Variants in RPH3A observed in about 807,000 individuals in gnomAD.
RPH3A encodes the protein rabphilin-3A.
Under a neutral mutation model 102.2 loss-of-function variants are expected in RPH3A, and 48 were observed. The observed-to-expected ratio is 0.47, with a 90% CI of 0.37 to 0.60. The LOEUF is 0.60. RPH3A is among the 20% of genes least tolerant of loss of function. The pLI, the probability that RPH3A is intolerant of heterozygous loss-of-function variation, is 0.00. For missense variants in RPH3A, 781 were observed against 910.1 expected (o/e 0.86, Z 1.83); for synonymous variants, 310 against 324.3 (o/e 0.96, Z 0.47).
At chr12:112,634,649 G>A (rs1486613822) in intron 1 of RPH3A, among the ~76,000 whole-genome samples, 1 of 152,122 alleles carries the variant, frequency 6.6e-6, no homozygotes, top group Non-Finnish European at 1.5e-5. Context: ...CTTAAATGCA[G>A]GATGTTGTCC....
At chr12:112,599,300 A>G (rs1032101720) in intron 1 of RPH3A, among the ~76,000 whole-genome samples, 20 of 152,166 alleles carry the variant, frequency 1.3e-4, no homozygotes, top group African/African-American at 4.6e-4. Context: ...GCATCCTAGA[A>G]AGAAGTTGTA....
chr12:112,706,777 A>G (rs1056425503), intron 1 of RPH3A, among the ~76,000 whole-genome samples: 10 of 152,208 alleles, frequency 6.6e-5, no homozygotes, highest in African/African-American at 2.4e-4. Context: ...AATTTTATAT[A>G]GAGAGATAGG....
chr12:112,869,463 C>T, intron 8 of RPH3A: 1 of 351,760 alleles, frequency 2.8e-6, no homozygotes, highest in East Asian at 5.3e-5. Context: ...CTGAGGAGTC[C>T]CCAGTTTTCA....
intron 1 of RPH3A, among the ~76,000 whole-genome samples, chr12:112,583,252 A>G (rs1332107333): frequency 2.0e-5 from 3 of 152,228 alleles, no homozygotes; most frequent in African/African-American, 4.8e-5. Flanking sequence ...AGTTTGTTCA[A>G]TAGTGCCAGG....
At chr12:112,853,393 A>G (rs1430256814) in intron 5 of RPH3A, among the ~76,000 whole-genome samples, 1 of 152,210 alleles carries the variant, frequency 6.6e-6, no homozygotes, top group Non-Finnish European at 1.5e-5. Flanking sequence ...CTCAAGAAAC[A>G]TAGATTTTAT....
chr12:112,652,274 G>A (rs186740226), intron 1 of RPH3A, among the ~76,000 whole-genome samples: 2 of 152,128 alleles, frequency 1.3e-5, no homozygotes, highest in East Asian at 1.9e-4. Flanking sequence ...CCAGGAGTTC[G>A]AGACCAGCCT....
chr12:112,860,384 T>G (rs1565925059), intron 5 of RPH3A, among the ~76,000 whole-genome samples: 1 of 152,178 alleles, frequency 6.6e-6, no homozygotes, highest in Non-Finnish European at 1.5e-5. Context: ...CTGTTGCATT[T>G]CTGTGCCATT....
rs557066400 is a variant in RPH3A at position 112,691,064 on chromosome 12, G to A, written c.-139-101079G>A. Among the ~76,000 whole-genome samples the A allele has an allele frequency of 1.1e-4, 17 of 150,174 alleles. 1 individual carries two copies. The highest frequency in any genetic ancestry group is 2.4e-4 in the Non-Finnish European group (16 of 67,778). ...TTTTGAGACGGAGTCTCGCTCTGTC[G>A]CCCAGGCTGGAGTGCAGTGGCGTGA... On this transcript the variant is annotated intron_variant, in intron 1 of 21. Coordinates refer to the RPH3A transcript ENST00000543106.
chr12:112,836,726 GGA>G (rs1777264475), intron 4 of RPH3A, among the ~76,000 whole-genome samples: 1 of 152,058 alleles, frequency 6.6e-6, no homozygotes, highest in African/African-American at 2.4e-5. Context: ...ATAAAAGGAT[GGA>G]AGATATTTCT....
chr12:112,855,072 G>T (rs1318933028), intron 5 of RPH3A, among the ~76,000 whole-genome samples: 3 of 152,182 alleles, frequency 2.0e-5, no homozygotes, highest in Non-Finnish European at 4.4e-5. Context: ...AAAGGGCAGG[G>T]AGAAGGGTCA....
intron 4 of RPH3A, among the ~76,000 whole-genome samples, chr12:112,845,548 A>G (rs2042215896): frequency 6.6e-6 from 1 of 152,158 alleles, no homozygotes; most frequent in South Asian, 2.1e-4. Flanking sequence ...ATCACAATGA[A>G]TTCTCCTCAC....
upstream of RPH3A, among the ~76,000 whole-genome samples, chr12:112,789,409 T>A (rs1311819230): frequency 6.6e-6 from 1 of 152,170 alleles, no homozygotes; most frequent in Admixed American, 6.5e-5. Flanking sequence ...CCCCTCAAAC[T>A]TGTAGAATGC....
intron 3 of RPH3A, among the ~76,000 whole-genome samples, chr12:112,829,662 C>T (rs763092050): frequency 1.6e-4 from 25 of 152,108 alleles, no homozygotes; most frequent in Admixed American, 6.5e-5. Context: ...CTATTTTTAC[C>T]TTATCTATGA....
At chr12:112,635,388 C>G (rs2039840659) in intron 1 of RPH3A, among the ~76,000 whole-genome samples, 1 of 152,108 alleles carries the variant, frequency 6.6e-6, no homozygotes, top group Non-Finnish European at 1.5e-5. Context: ...GGTGTGTATT[C>G]TTTACTCTCT....
chr12:112,871,543 A>G (rs190915181), intron 10 of RPH3A, among the ~76,000 whole-genome samples: 4 of 152,164 alleles, frequency 2.6e-5, no homozygotes, highest in East Asian at 1.9e-4. Context: ...TTTTTAACCC[A>G]TTATGCTGGA....
At chr12:112,599,789 A>G (rs965213175) in intron 1 of RPH3A, among the ~76,000 whole-genome samples, 1 of 152,208 alleles carries the variant, frequency 6.6e-6, no homozygotes, top group Non-Finnish European at 1.5e-5. Flanking sequence ...AGTTAAATGC[A>G]GTGTTTCTTA....
At chr12:112,851,524 G>T (rs1228018970) in intron 5 of RPH3A, among the ~76,000 whole-genome samples, 1 of 152,164 alleles carries the variant, frequency 6.6e-6, no homozygotes, top group Non-Finnish European at 1.5e-5. Flanking sequence ...TGCTGCTGTG[G>T]TTCTGAGAGT....
At position 112,731,520 on chromosome 12, in the gene RPH3A, C is replaced by G. The variant is rs114777848; in HGVS notation, c.-139-60623C>G. Among the ~76,000 whole-genome samples, 799 of 152,286 alleles carry G rather than the reference C, an allele frequency of 5.2e-3. 9 individuals are homozygous for G. The highest frequency in any genetic ancestry group is 0.018 in the African/African-American group (768 of 41,540). ...CTAAAAGCTTAATCACCTGTGAATG[C>G]CTTTGGGAGACTTTGTAACAAATGG... On this transcript the variant is annotated intron_variant, in intron 1 of 21. Transcript: ENST00000543106.
chr12:112,782,284 C>A (rs1044789490), intron 1 of RPH3A, among the ~76,000 whole-genome samples: 2 of 152,230 alleles, frequency 1.3e-5, no homozygotes, highest in African/African-American at 4.8e-5. Context: ...ATTTTAGGAT[C>A]TATTTTCCAG....
Sources: allele counts gnomAD v4.1 joint callset (sites outside exome capture counted in the v4.1 genomes callset), GRCh38; gene constraint gnomAD v4.1.1; transcripts MANE v1.5; gene names NCBI Gene and HGNC (gene_info 2026-07-23, HGNC 2026-07-21).